Variants in CTNNA3 observed in about 807,000 individuals in gnomAD.
The protein encoded by CTNNA3 is catenin alpha 3.
CTNNA3 carries 76 observed loss-of-function variants against 95.7 expected under a neutral mutation model. The observed-to-expected ratio is 0.79, with a 90% CI of 0.66 to 0.96. The LOEUF is 0.96. Among genes scored for constraint, CTNNA3 ranks in the 40% least tolerant of loss-of-function variants. The pLI is 0.00. For synonymous variants in CTNNA3, 431 were observed against 374.4 expected, an observed-to-expected ratio of 1.15 and a Z score of -1.74; for missense variants, 1,191 against 1,089.8, an observed-to-expected ratio of 1.09 and a Z score of -1.31.
At chr10:66,334,294 C>T (rs2092368928) in intron 12 of CTNNA3, among the ~76,000 whole-genome samples, 3 of 151,940 alleles carry the variant, frequency 2.0e-5, no homozygotes, top group South Asian at 4.2e-4. Flanking sequence ...TTATTTTGCT[C>T]GTTAGTTGAT....
chr10:66,569,780 T>C (rs1206798112), intron 10 of CTNNA3, among the ~76,000 whole-genome samples: 6 of 152,152 alleles, frequency 3.9e-5, no homozygotes, highest in Non-Finnish European at 7.3e-5. Context: ...TGATGTGATA[T>C]CTGAAAGTAC....
chr10:66,973,285 T>C (rs1244887290), intron 7 of CTNNA3, among the ~76,000 whole-genome samples: 4 of 152,246 alleles, frequency 2.6e-5, no homozygotes, highest in South Asian at 2.1e-4. Flanking sequence ...AAAAAGAAAA[T>C]TGACAATTAG....
chr10:66,212,063 C>T (rs1483572319), intron 13 of CTNNA3, among the ~76,000 whole-genome samples: 18 of 139,152 alleles, frequency 1.3e-4, no homozygotes, highest in African/African-American at 5.0e-4. Flanking sequence ...GATCTCAGCT[C>T]GTTGCAACCT....
intron 5 of CTNNA3, among the ~76,000 whole-genome samples, chr10:67,432,899 A>G (rs1441076607): frequency 6.6e-6 from 1 of 152,030 alleles, no homozygotes; most frequent in Non-Finnish European, 1.5e-5. Flanking sequence ...TGCTGACTTT[A>G]TAGACTGATT....
intron 7 of CTNNA3, among the ~76,000 whole-genome samples, chr10:66,973,240 C>G (rs896096433): frequency 2.0e-5 from 3 of 151,974 alleles, no homozygotes; most frequent in African/African-American, 7.2e-5. Flanking sequence ...TGAAATAAAA[C>G]AGTATTGAGT....
chr10:67,061,751 T>C (rs1855768147), intron 7 of CTNNA3, among the ~76,000 whole-genome samples: 1 of 152,190 alleles, frequency 6.6e-6, no homozygotes, highest in Non-Finnish European at 1.5e-5. Context: ...TGTTTCTAAA[T>C]AGTTGATGCA....
intron 10 of CTNNA3, among the ~76,000 whole-genome samples, chr10:66,606,910 G>T (rs1844143322): frequency 6.6e-6 from 1 of 151,978 alleles, no homozygotes; most frequent in Admixed American, 6.6e-5. Context: ...CAGAAGAAAA[G>T]AAACAAATCA....
intron 11 of CTNNA3, among the ~76,000 whole-genome samples, chr10:66,476,065 A>G (rs1031668417): frequency 6.6e-6 from 1 of 152,118 alleles, no homozygotes; most frequent in African/African-American, 2.4e-5. Context: ...CTTTGCTGGG[A>G]CATGGATGGA....
intron 11 of CTNNA3, among the ~76,000 whole-genome samples, chr10:66,472,455 A>C (rs1400415322): frequency 3.9e-5 from 6 of 152,014 alleles, no homozygotes; most frequent in Admixed American, 2.6e-4. Context: ...ACAAAGGTTA[A>C]AGCCAAATTT....
chr10:67,335,806 C>G (rs76518891), intron 5 of CTNNA3, among the ~76,000 whole-genome samples: 2,702 of 152,004 alleles, frequency 0.018, 84 homozygotes, highest in African/African-American at 0.06. Context: ...CTATCGACAA[C>G]GTTGAGAACT....
intron 7 of CTNNA3, among the ~76,000 whole-genome samples, chr10:66,896,876 T>C (rs1342200868): frequency 6.6e-6 from 1 of 152,226 alleles, no homozygotes; most frequent in African/African-American, 2.4e-5. Context: ...GAGTTTTGTG[T>C]TCCTTGTTGC....
intron 15 of CTNNA3, among the ~76,000 whole-genome samples, chr10:66,012,509 T>G (rs1377204657): frequency 6.6e-6 from 1 of 152,148 alleles, no homozygotes; most frequent in African/African-American, 2.4e-5. Context: ...CCATAAACCA[T>G]ACATAATTAT....
At chr10:66,371,523 C>T (rs1331178719) in intron 12 of CTNNA3, among the ~76,000 whole-genome samples, 4 of 152,128 alleles carry the variant, frequency 2.6e-5, no homozygotes, top group Non-Finnish European at 4.4e-5. Context: ...CAACAAGCTG[C>T]TGAAGGGCAA....
intron 12 of CTNNA3, among the ~76,000 whole-genome samples, chr10:66,291,851 T>C (rs992565207): frequency 1.3e-5 from 2 of 151,522 alleles, no homozygotes; most frequent in Non-Finnish European, 2.9e-5. Flanking sequence ...TATATATGTG[T>C]ATGCATATAT....
intron 7 of CTNNA3, among the ~76,000 whole-genome samples, chr10:66,976,147 T>C (rs1047201465): frequency 6.6e-6 from 1 of 152,160 alleles, no homozygotes; most frequent in Non-Finnish European, 1.5e-5. Context: ...GTAAAACATA[T>C]GTTCTTGTGA....
At position 66,904,716 on chromosome 10, in the gene CTNNA3, C is replaced by A. The variant is rs185118813; in HGVS notation, c.1048-129192G>T. Among the ~76,000 whole-genome samples, 18 of 152,280 alleles carry A rather than the reference C, an allele frequency of 1.2e-4. No individual in the cohort carries two copies. The East Asian group carries it at 3.5e-3, about 29-fold the overall frequency. The stretch of plus-strand genomic sequence containing the variant: ...TCAAAAAGTGGGCAAAGGATATGAA[C>A]AGACACTTCTCAAAAGAAGACATTT... On this transcript the variant is annotated intron_variant, in intron 7 of 17. Coordinates refer to ENST00000433211, the MANE Select transcript of CTNNA3 (RefSeq NM_013266.4).
chr10:67,175,738 C>A (rs1486901792), intron 7 of CTNNA3, among the ~76,000 whole-genome samples: 2 of 152,152 alleles, frequency 1.3e-5, no homozygotes, highest in Non-Finnish European at 2.9e-5. Flanking sequence ...ACCTATCTAA[C>A]ACATCCAACC....
intron 5 of CTNNA3, among the ~76,000 whole-genome samples, chr10:67,479,300 T>A (rs1441182459): frequency 1.3e-5 from 2 of 152,292 alleles, no homozygotes; most frequent in East Asian, 3.9e-4. Context: ...ATATAATACA[T>A]TCTTTTCACC....
At chr10:66,000,997 C>T (rs1366130313) in intron 15 of CTNNA3, among the ~76,000 whole-genome samples, 2 of 152,080 alleles carry the variant, frequency 1.3e-5, no homozygotes, top group African/African-American at 4.8e-5. Context: ...ATGGGCATTA[C>T]CATGAATGCA....
Sources: allele counts gnomAD v4.1 joint callset (sites outside exome capture counted in the v4.1 genomes callset), GRCh38; gene constraint gnomAD v4.1.1; transcripts MANE v1.5; gene names NCBI Gene and HGNC (gene_info 2026-07-23, HGNC 2026-07-21).